Variants in CRACR2A observed in about 807,000 individuals in gnomAD.
CRACR2A encodes the protein EF-hand calcium-binding domain-containing protein 4B.
In CRACR2A, 79 loss-of-function variants were observed where a neutral mutation model predicts 90.5. That is an observed-to-expected ratio of 0.87 (90% CI 0.73 to 1.05). The LOEUF (loss-of-function observed/expected upper bound fraction) is 1.05. Ranked by LOEUF, CRACR2A falls within the 50% of genes least tolerant of loss-of-function variation. The pLI is 0.00. For synonymous variants in CRACR2A, 338 were observed against 356.7 expected (o/e 0.95, Z 0.59); for missense variants, 823 against 897.2 (o/e 0.92, Z 1.06).
At chr12:3,654,185 AGAG>A (rs1555109839) in intron 10 of CRACR2A, 24 bp downstream of exon 10, 7 of 1,605,406 alleles carry the variant, frequency 4.4e-6, no homozygotes, top group Non-Finnish European at 5.9e-6. Context: ...GGAAGACAGC[AGAG>A]GAGTGGACAA....
At chr12:3,723,866 A>G (rs1399517755) in intron 2 of CRACR2A, among the ~76,000 whole-genome samples, 1 of 152,166 alleles carries the variant, frequency 6.6e-6, no homozygotes, top group Non-Finnish European at 1.5e-5. Context: ...CTGACATTAC[A>G]GTGTCAGTCA....
intron 13 of CRACR2A, 39 bp downstream of exon 13, chr12:3,641,693 T>C: frequency 2.0e-6 from 3 of 1,534,622 alleles, no homozygotes; most frequent in Non-Finnish European, 2.6e-6. Context: ...CCAATGAGCC[T>C]GAGAGGAATG....
At chr12:3,620,839 T>G (rs897166721) in intron 17 of CRACR2A, among the ~76,000 whole-genome samples, 5 of 152,218 alleles carry the variant, frequency 3.3e-5, no homozygotes, top group Non-Finnish European at 7.3e-5. Flanking sequence ...AAAAATAGAT[T>G]AAATTCTGGA....
rs892653511 is a variant in CRACR2A, at chr12:3,654,128, G to C, written c.1046+84C>G. 1.3e-5 allele frequency: 19 copies of C among 1,498,752 alleles called. No homozygotes were observed. In the Admixed American group the frequency reaches 4.0e-4, roughly 32 times the overall value. 92.8% of individuals were successfully genotyped at this position (1,498,752 alleles called of 1,614,324 possible). On this transcript the variant is annotated intron_variant, in intron 10 of 19. Coordinates refer to ENST00000440314, the MANE Select transcript of CRACR2A (RefSeq NM_001144958.2). The stretch of plus-strand genomic sequence containing the variant: ...TCCTCTTTTCACAGGCAAGGAGACA[G>C]GGTCTCTGAGCGGCGAGGGGACATG...
intron 2 of CRACR2A, among the ~76,000 whole-genome samples, chr12:3,714,721 A>C (rs1426126009): frequency 6.6e-6 from 1 of 152,250 alleles, no homozygotes; most frequent in Non-Finnish European, 1.5e-5. Context: ...ATATTTTTTA[A>C]TGAGAAGATT....
chr12:3,677,440 T>TG (rs35009355), intron 6 of CRACR2A, among the ~76,000 whole-genome samples: 94,179 of 151,986 alleles, frequency 0.62, 29,812 homozygotes, highest in East Asian at 0.99. Flanking sequence ...AGTTCTGCAC[T>TG]GCCTTACTAT....
intron 1 of CRACR2A, among the ~76,000 whole-genome samples, chr12:3,739,909 G>A (rs980883111): frequency 6.8e-6 from 1 of 147,368 alleles, no homozygotes; most frequent in Admixed American, 6.8e-5. Context: ...ACTCCAGCCT[G>A]GCGACAGAGC....
At chr12:3,649,547 T>C (rs189807889) in intron 10 of CRACR2A, among the ~76,000 whole-genome samples, 3 of 152,264 alleles carry the variant, frequency 2.0e-5, no homozygotes, top group Admixed American at 2.0e-4. Context: ...AATGCAGAGA[T>C]TGAATGTATC....
At chr12:3,619,736 C>T (rs1057161766) in intron 17 of CRACR2A, among the ~76,000 whole-genome samples, 71 of 152,342 alleles carry the variant, frequency 4.7e-4, no homozygotes, top group African/African-American at 1.5e-3. Flanking sequence ...CCAGAGCTTA[C>T]AGCACCCTGA....
intron 1 of CRACR2A, among the ~76,000 whole-genome samples, chr12:3,747,577 ATC>A (rs1381453716): frequency 6.6e-6 from 1 of 152,222 alleles, no homozygotes; most frequent in Non-Finnish European, 1.5e-5. Context: ...ATGCTGAGCA[ATC>A]TCTAAAGTAA....
intron 2 of CRACR2A, among the ~76,000 whole-genome samples, chr12:3,713,627 C>A (rs1367451569): frequency 6.6e-6 from 1 of 152,150 alleles, no homozygotes; most frequent in Non-Finnish European, 1.5e-5. Flanking sequence ...CCCCCCTGCC[C>A]CCAGCAGAGC....
chr12:3,713,426 C>T (rs565543333), intron 2 of CRACR2A, 109 bp from the exon 3 acceptor site: 36 of 346,510 alleles, frequency 1.0e-4, no homozygotes, highest in African/African-American at 7.6e-4. Context: ...TTGCTCCTAC[C>T]GCATTGCAGT....
intron 6 of CRACR2A, 128 bp from the exon 7 acceptor site, chr12:3,673,720 T>A: frequency 1.7e-6 from 2 of 1,195,756 alleles, no homozygotes; most frequent in Non-Finnish European, 2.3e-6. Context: ...TGACAGTAGC[T>A]AACGTGGACC....
Position 3,680,275 on chromosome 12 carries a change from A to G in CRACR2A, c.303T>C (p.Asn101=). The change falls in exon 5 of 20, where the codon AAT becomes AAC. Residue 101 remains asparagine (N), a synonymous_variant. Coordinates refer to ENST00000440314, the MANE Select transcript of CRACR2A (RefSeq NM_001144958.2). ...TGAACTCCTGTGGGGTCAGATAGCC[A>G]TTGCCATCAGCATCCAGGGCATCAA... The part of the protein sequence containing the change: ...DVFDALDADG[N]GYLTPQEFTT... 1 of 1,614,200 alleles carries G rather than the reference A, an allele frequency of 6.2e-7. No homozygotes were observed. Among genetic ancestry groups the G allele is most frequent in the Non-Finnish European group, 8.5e-7 (1 of 1,180,014 alleles).
chr12:3,643,865 A>ATATATTC (rs1944629736), intron 12 of CRACR2A, among the ~76,000 whole-genome samples: 1 of 55,300 alleles, frequency 1.8e-5, no homozygotes, highest in Non-Finnish European at 3.1e-5. Flanking sequence ...TTTATATTAT[A>ATATATTC]TATATTATAT....
At chr12:3,643,287 T>A (rs971914457) in intron 12 of CRACR2A, among the ~76,000 whole-genome samples, 4 of 152,134 alleles carry the variant, frequency 2.6e-5, no homozygotes, top group African/African-American at 9.7e-5. Flanking sequence ...GCAGGTCAGA[T>A]CTAATTTAGG....
At position 3,713,947 on chromosome 12, in the gene CRACR2A, C is replaced by T. The variant is rs147143482; in HGVS notation, c.-117-630G>A. 1.4e-3 allele frequency among the ~76,000 whole-genome samples: 220 copies of T among 152,248 alleles called. 1 individual carries two copies. Among genetic ancestry groups the T allele is most frequent in the African/African-American group, 4.6e-3 (192 of 41,536 alleles). On this transcript the variant is annotated intron_variant, in intron 2 of 19. Coordinates refer to ENST00000440314, the MANE Select transcript of CRACR2A (RefSeq NM_001144958.2). Reference sequence around the variant, plus strand: ...TACAGAATGCTTTGGCCACATGCTGCGTAGCATGGTCTGAGAGCATGCTTG... The same window carrying T: ...TACAGAATGCTTTGGCCACATGCTGTGTAGCATGGTCTGAGAGCATGCTTG...
intron 4 of CRACR2A, among the ~76,000 whole-genome samples, chr12:3,681,365 G>A (rs1020630824): frequency 2.0e-5 from 3 of 152,206 alleles, no homozygotes; most frequent in East Asian, 1.9e-4. Flanking sequence ...GGAGGTTATC[G>A]CTGGATTTGA....
chr12:3,662,504 CCA>C (rs1945055245), intron 7 of CRACR2A, among the ~76,000 whole-genome samples: 1 of 152,176 alleles, frequency 6.6e-6, no homozygotes, highest in African/African-American at 2.4e-5. Flanking sequence ...AGCGTCAGAA[CCA>C]CAGAGCCCTC....
Sources: allele counts gnomAD v4.1 joint callset (sites outside exome capture counted in the v4.1 genomes callset), GRCh38; gene constraint gnomAD v4.1.1; transcripts MANE v1.5; gene names NCBI Gene and HGNC (gene_info 2026-07-23, HGNC 2026-07-21).